CTNND2: variants seen among roughly 807,000 people sequenced by gnomAD.
CTNND2 encodes the protein catenin delta-2.
CTNND2 carries 22 observed loss-of-function variants against 144.4 expected under a neutral mutation model. The observed-to-expected ratio is 0.15, with a 90% CI of 0.11 to 0.22. The LOEUF is 0.22. CTNND2 is among the 10% of genes least tolerant of loss of function. CTNND2 has a pLI of 1.00. For synonymous variants in CTNND2, 751 were observed against 695.6 expected (o/e 1.08, Z -1.25); for missense variants, 1,353 against 1,618.8 (o/e 0.84, Z 2.82).
intron 6 of CTNND2, among the ~76,000 whole-genome samples, chr5:11,388,158 T>G (rs1182856758): frequency 6.6e-6 from 1 of 152,184 alleles, no homozygotes; most frequent in Non-Finnish European, 1.5e-5. Flanking sequence ...CAATAAAATT[T>G]TATATACTGT....
intron 9 of CTNND2, among the ~76,000 whole-genome samples, chr5:11,292,609 G>A (rs7713852): frequency 1.4e-4 from 21 of 152,210 alleles, no homozygotes; most frequent in Non-Finnish European, 2.5e-4. Context: ...CTTGCCTGCC[G>A]CCATGTAAGA....
chr5:11,500,475 G>C (rs965440702), intron 3 of CTNND2, among the ~76,000 whole-genome samples: 3 of 152,120 alleles, frequency 2.0e-5, no homozygotes, highest in Non-Finnish European at 4.4e-5. Context: ...CCTGTTCACT[G>C]TCATGGATGA....
chr5:11,311,229 G>A (rs1460046545), intron 9 of CTNND2, among the ~76,000 whole-genome samples: 178 of 100,042 alleles, frequency 1.8e-3, no homozygotes, highest in Middle Eastern at 0.011. Flanking sequence ...CACTTCCCAT[G>A]CACCCTCAAC....
At chr5:11,117,798 C>CAA (rs1753715389) in intron 12 of CTNND2, among the ~76,000 whole-genome samples, 1 of 152,202 alleles carries the variant, frequency 6.6e-6, no homozygotes, top group African/African-American at 2.4e-5. Context: ...CAATGAAGAA[C>CAA]TCCTAATACG....
chr5:11,868,861 C>T (rs1326552042), intron 1 of CTNND2, among the ~76,000 whole-genome samples: 1 of 152,116 alleles, frequency 6.6e-6, no homozygotes, highest in Non-Finnish European at 1.5e-5. Context: ...GCCCCTGGAC[C>T]TTAGACTTCT....
chr5:11,826,801 TACA>T (rs1202247182), intron 1 of CTNND2, among the ~76,000 whole-genome samples: 1 of 152,030 alleles, frequency 6.6e-6, no homozygotes, highest in Non-Finnish European at 1.5e-5. Context: ...TATATATTCA[TACA>T]ACATTATTCA....
At chr5:11,824,757 CA>C (rs1343480908) in intron 1 of CTNND2, among the ~76,000 whole-genome samples, 1 of 152,088 alleles carries the variant, frequency 6.6e-6, no homozygotes, top group Admixed American at 6.6e-5. Flanking sequence ...AATCATAAGC[CA>C]CAACACTTTA....
At chr5:11,128,800 T>C (rs1439528340) in intron 12 of CTNND2, among the ~76,000 whole-genome samples, 1 of 16,076 alleles carries the variant, frequency 6.2e-5, no homozygotes, top group Non-Finnish European at 1.3e-4. Context: ...ATATATTATA[T>C]ATATACAATA....
chr5:11,672,763 C>A (rs1245453969), intron 2 of CTNND2, among the ~76,000 whole-genome samples: 1 of 152,104 alleles, frequency 6.6e-6, no homozygotes, highest in Non-Finnish European at 1.5e-5. Context: ...TCCTGGTCTG[C>A]AGGTTGTGAA....
intron 16 of CTNND2, among the ~76,000 whole-genome samples, chr5:11,060,407 C>T (rs992987371): frequency 5.3e-5 from 8 of 151,784 alleles, no homozygotes; most frequent in African/African-American, 1.2e-4. Flanking sequence ...AGGATGACTA[C>T]ACACACACAC....
intron 9 of CTNND2, among the ~76,000 whole-genome samples, chr5:11,297,336 C>T (rs1749127844): frequency 6.6e-6 from 1 of 152,152 alleles, no homozygotes; most frequent in Non-Finnish European, 1.5e-5. Context: ...CTCCCTTTTC[C>T]AACTTTGCAT....
chr5:11,824,953 C>A (rs1793521845), intron 1 of CTNND2, among the ~76,000 whole-genome samples: 1 of 152,126 alleles, frequency 6.6e-6, no homozygotes, highest in South Asian at 2.1e-4. Context: ...CTGTAGTGAA[C>A]TGAGGATAAT....
intron 2 of CTNND2, among the ~76,000 whole-genome samples, chr5:11,723,960 C>G (rs1033901791): frequency 1.2e-4 from 18 of 151,532 alleles, no homozygotes; most frequent in Non-Finnish European, 2.1e-4. Context: ...GGAGCTGTGG[C>G]AGAAGAATGG....
chr5:11,841,086 T>C (rs1208156648), intron 1 of CTNND2, among the ~76,000 whole-genome samples: 4 of 152,138 alleles, frequency 2.6e-5, no homozygotes, highest in African/African-American at 9.7e-5. Flanking sequence ...ACTGTATTAA[T>C]TACCCAATTT....
In CTNND2 at chr5:11,537,375, A is replaced by G. The variant is rs576210833; in HGVS notation, c.287+27569T>C. ...TCATATATCTGAAAAATAATGTTGA[A>G]CTTATCCTTTTTGTTATATAACTCC... On this transcript the variant is annotated intron_variant, in intron 3 of 21. Coordinates refer to ENST00000304623, the MANE Select transcript of CTNND2 (RefSeq NM_001332.4). Among the ~76,000 whole-genome samples the G allele has an allele frequency of 8.5e-5, 13 of 152,242 alleles. No individual in the cohort carries two copies. The South Asian group carries it at 2.7e-3, about 32-fold the overall frequency.
At chr5:11,569,341 A>G (rs963060735) in intron 2 of CTNND2, among the ~76,000 whole-genome samples, 2 of 152,232 alleles carry the variant, frequency 1.3e-5, no homozygotes, top group Non-Finnish European at 2.9e-5. Flanking sequence ...TGGAGATATG[A>G]TGCAAAAGTT....
chr5:11,422,923 C>T (rs1255796539), intron 3 of CTNND2, among the ~76,000 whole-genome samples: 1 of 152,104 alleles, frequency 6.6e-6, no homozygotes, highest in Non-Finnish European at 1.5e-5. Context: ...CACACCGTAG[C>T]TCCTTCTATA....
chr5:11,117,759 G>C (rs1427124627), intron 12 of CTNND2, among the ~76,000 whole-genome samples, 192 bp from the exon 13 acceptor site: 1 of 152,168 alleles, frequency 6.6e-6, no homozygotes, highest in Non-Finnish European at 1.5e-5. Flanking sequence ...GTAAGTCACA[G>C]ATGTCTGTAA....
At chr5:11,836,335 T>C (rs1333616849) in intron 1 of CTNND2, among the ~76,000 whole-genome samples, 5 of 152,186 alleles carry the variant, frequency 3.3e-5, no homozygotes, top group Non-Finnish European at 7.3e-5. Flanking sequence ...AATATGCTTA[T>C]CTGAGAAAAC....
Sources: gnomAD v4.1 joint callset for allele counts (sites outside exome capture counted in the v4.1 genomes callset) on GRCh38, gnomAD v4.1.1 for gene constraint, MANE v1.5 for transcripts, NCBI Gene and HGNC (gene_info 2026-07-23, HGNC 2026-07-21) for gene names.